Variants in TBX20 observed in about 807,000 individuals in gnomAD.
The protein encoded by TBX20 is T-box transcription factor 20, also known as T-box transcription factor TBX20.
In TBX20, 8 loss-of-function variants were observed where a neutral mutation model predicts 42.9. That is an observed-to-expected ratio of 0.19 (90% confidence interval 0.11 to 0.34). TBX20 has a LOEUF of 0.34. TBX20 is among the 10% of genes least tolerant of loss of function. The pLI, the probability that TBX20 is intolerant of heterozygous loss-of-function variation, is 1.00. For missense variants in TBX20, 411 were observed against 566.0 expected, an observed-to-expected ratio of 0.73 and a Z score of 2.78; for synonymous variants, 198 against 222.8, an observed-to-expected ratio of 0.89 and a Z score of 0.99.
At chr7:35,234,760 T>C (rs2128713851) in intron 5 of TBX20, among the ~76,000 whole-genome samples, 1 of 152,312 alleles carries the variant, frequency 6.6e-6, no homozygotes, top group Admixed American at 6.5e-5. Context: ...AATCTAATTC[T>C]AGGGAAAATA....
At chr7:35,224,669 TTTC>T (rs1789740917) in intron 6 of TBX20, among the ~76,000 whole-genome samples, 1 of 2,230 alleles carries the variant, frequency 4.5e-4, no homozygotes. Context: ...CGAAACTCTG[TTTC>T]CAAAAAAAAA....
intron 5 of TBX20, among the ~76,000 whole-genome samples, chr7:35,235,479 A>T (rs1270909337): frequency 1.3e-5 from 2 of 152,204 alleles, no homozygotes; most frequent in East Asian, 1.9e-4. Flanking sequence ...GCTACCAAAC[A>T]TTGTATGTAC....
At chr7:35,204,319 G>A (rs957303314) in intron 7 of TBX20, 151 bp downstream of exon 7, 2 of 704,176 alleles carry the variant, frequency 2.8e-6, no homozygotes, top group Admixed American at 4.1e-5. Flanking sequence ...GTGAGGATCA[G>A]TGTCGGGGCT....
chr7:35,228,606 T>C (rs1789816081), intron 6 of TBX20, among the ~76,000 whole-genome samples: 1 of 152,164 alleles, frequency 6.6e-6, no homozygotes, highest in Non-Finnish European at 1.5e-5. Flanking sequence ...CCCAGTTATT[T>C]TTCTTTTCTC....
At chr7:35,228,424 TG>T (rs1409334799) in intron 6 of TBX20, among the ~76,000 whole-genome samples, 2 of 152,226 alleles carry the variant, frequency 1.3e-5, no homozygotes, top group African/African-American at 4.8e-5. Flanking sequence ...GAATATATAA[TG>T]GGGTTTTGCC....
At chr7:35,222,576 G>A (rs1442879650) in intron 6 of TBX20, among the ~76,000 whole-genome samples, 3 of 151,954 alleles carry the variant, frequency 2.0e-5, no homozygotes, top group Non-Finnish European at 4.4e-5. Flanking sequence ...CAAATATTTG[G>A]GTGCTCACTG....
intron 3 of TBX20, among the ~76,000 whole-genome samples, chr7:35,247,969 T>A (rs923743264): frequency 6.6e-6 from 1 of 152,198 alleles, no homozygotes; most frequent in Admixed American, 6.5e-5. Context: ...AAGGTTTGCA[T>A]GTGCTTTTTT....
intron 6 of TBX20, among the ~76,000 whole-genome samples, chr7:35,205,420 A>G (rs1375590209): frequency 6.6e-6 from 1 of 152,188 alleles, no homozygotes; most frequent in East Asian, 1.9e-4. Flanking sequence ...ATAACAGATT[A>G]GTCTGCATGG....
intron 4 of TBX20, among the ~76,000 whole-genome samples, chr7:35,241,805 G>C (rs967519503): frequency 1.3e-5 from 2 of 152,106 alleles, no homozygotes; most frequent in Non-Finnish European, 2.9e-5. Flanking sequence ...TTGTTAACAA[G>C]GCAGCCAATA....
intron 6 of TBX20, among the ~76,000 whole-genome samples, chr7:35,227,145 T>C (rs1789786602): frequency 6.7e-6 from 1 of 149,292 alleles, no homozygotes; most frequent in Non-Finnish European, 1.5e-5. Flanking sequence ...AAAGAAAAAA[T>C]GTTTTTGTAC....
chr7:35,238,827 G>A (rs1188488660), intron 5 of TBX20, among the ~76,000 whole-genome samples: 1 of 151,634 alleles, frequency 6.6e-6, no homozygotes, highest in African/African-American at 2.4e-5. Context: ...TGCCTTTACT[G>A]TAAGATGATC....
intron 4 of TBX20, among the ~76,000 whole-genome samples, chr7:35,243,738 AAAGATC>A (rs1209645407): frequency 1.3e-5 from 2 of 152,206 alleles, no homozygotes; most frequent in African/African-American, 4.8e-5. Context: ...CCTTAAAGAT[AAAGATC>A]AACTATCTTT....
At chr7:35,247,202 G>C (rs1400800111) in intron 3 of TBX20, among the ~76,000 whole-genome samples, 2 of 144,916 alleles carry the variant, frequency 1.4e-5, no homozygotes, top group Non-Finnish European at 3.0e-5. Flanking sequence ...TTTGCTTGTA[G>C]AAAATGGTTA....
Position 35,248,769 on chromosome 7 carries a change from G to A in TBX20, c.453C>T (p.Asp151=). ...ACCTCTTGTTGTCCACAGGGACGATGTCCATCAGGACTATGTACTTGGCCT... is the reference window on the plus strand; with the variant it reads ...ACCTCTTGTTGTCCACAGGGACGATATCCATCAGGACTATGTACTTGGCCT... The part of the protein sequence containing the change: ...DPEAKYIVLM[D]IVPVDNKRYR... The change falls in exon 3 of 8, where the codon GAC becomes GAT. Residue 151 remains aspartate, a synonymous_variant. Coordinates refer to ENST00000408931, the MANE Select transcript of TBX20 (RefSeq NM_001077653.2). 1.2e-6 allele frequency: 2 copies of A among 1,614,208 alleles called. No individual in the cohort carries two copies. The highest frequency in any genetic ancestry group is 1.7e-6 in the Non-Finnish European group (2 of 1,180,044).
chr7:35,206,379 C>G (rs796866272), intron 6 of TBX20, among the ~76,000 whole-genome samples: 36 of 152,296 alleles, frequency 2.4e-4, no homozygotes, highest in African/African-American at 8.7e-4. Flanking sequence ...AAAACCCTGT[C>G]TCTATTAAAA....
intron 3 of TBX20, among the ~76,000 whole-genome samples, chr7:35,247,200 T>C (rs893751887): frequency 6.7e-6 from 1 of 149,694 alleles, no homozygotes; most frequent in African/African-American, 2.4e-5. Context: ...GGTTTGCTTG[T>C]AGAAAATGGT....
chr7:35,218,000 G>A (rs1432077866), intron 6 of TBX20, among the ~76,000 whole-genome samples: 1 of 152,178 alleles, frequency 6.6e-6, no homozygotes, highest in Non-Finnish European at 1.5e-5. Flanking sequence ...AATTACAGGC[G>A]TGAGCCATTG....
chr7:35,204,137 A>G (rs1437157701), intron 7 of TBX20, among the ~76,000 whole-genome samples: 1 of 152,188 alleles, frequency 6.6e-6, no homozygotes, highest in Non-Finnish European at 1.5e-5. Context: ...GTTCAGAAGG[A>G]CTTGGTGACT....
chr7:35,239,846 G>C (rs1037200569), intron 5 of TBX20, among the ~76,000 whole-genome samples: 1 of 152,126 alleles, frequency 6.6e-6, no homozygotes, highest in Admixed American at 6.5e-5. Flanking sequence ...CCGCCTCCCA[G>C]GTTCAAGCGA....
Sources: allele counts gnomAD v4.1 joint callset (sites outside exome capture counted in the v4.1 genomes callset), GRCh38; gene constraint gnomAD v4.1.1; transcripts MANE v1.5; gene names NCBI Gene and HGNC (gene_info 2026-07-23, HGNC 2026-07-21).